The following PPARGC1A variants were observed in gnomAD, a reference collection of about 807,000 sequenced individuals.
PPARGC1A encodes the protein peroxisome proliferator-activated receptor gamma coactivator 1-alpha.
Under a neutral mutation model 88.7 loss-of-function variants are expected in PPARGC1A, and 25 were observed. The ratio of observed to expected loss-of-function variants is 0.28; its 90% CI spans 0.21 to 0.39. The LOEUF is 0.39. Ranked by LOEUF, PPARGC1A falls within the 10% of genes least tolerant of loss-of-function variation. The pLI, the probability that PPARGC1A is intolerant of heterozygous loss-of-function variation, is 1.00. For missense variants in PPARGC1A, 880 were observed against 968.7 expected (o/e 0.91, Z 1.22); for synonymous variants, 363 against 355.6 (o/e 1.02, Z -0.24).
the PPARGC1A span, among the ~76,000 whole-genome samples, chr4:24,290,359 A>C: frequency 6.6e-6 from 1 of 152,016 alleles, no homozygotes; most frequent in African/African-American, 2.4e-5. Context: ...AGTCTTTTAT[A>C]TTTTTTATAC....
chr4:24,158,342 C>T, the PPARGC1A span, among the ~76,000 whole-genome samples: 2 of 152,262 alleles, frequency 1.3e-5, no homozygotes, highest in East Asian at 3.9e-4. Flanking sequence ...TTCTTTGTCA[C>T]TCATTTATTA....
At chr4:24,341,280 G>T in the PPARGC1A span, among the ~76,000 whole-genome samples, 3 of 151,580 alleles carry the variant, frequency 2.0e-5, no homozygotes, top group East Asian at 5.8e-4. Flanking sequence ...TAAACCAACT[G>T]ATCTGAATGC....
At chr4:24,302,438 C>T in the PPARGC1A span, among the ~76,000 whole-genome samples, 9 of 152,316 alleles carry the variant, frequency 5.9e-5, no homozygotes, top group Non-Finnish European at 7.3e-5. Context: ...CTCTCTTCCT[C>T]GCCCCTGCCC....
the PPARGC1A span, among the ~76,000 whole-genome samples, chr4:24,221,677 G>A: frequency 2.0e-5 from 3 of 152,164 alleles, no homozygotes; most frequent in Admixed American, 2.0e-4. Context: ...GGAGGCCGAG[G>A]CAGGAGGATC....
the PPARGC1A span, among the ~76,000 whole-genome samples, chr4:24,378,491 AC>A: frequency 2.6e-5 from 4 of 152,124 alleles, no homozygotes; most frequent in African/African-American, 9.7e-5. Context: ...TAAAAAAAAA[AC>A]ATCATTCCTA....
At chr4:24,467,292 G>C in the PPARGC1A span, among the ~76,000 whole-genome samples, 1 of 152,126 alleles carries the variant, frequency 6.6e-6, no homozygotes, top group Non-Finnish European at 1.5e-5. Flanking sequence ...TCTGTGAGCT[G>C]GATTTACAGG....
the PPARGC1A span, among the ~76,000 whole-genome samples, chr4:24,403,527 A>G: frequency 6.6e-6 from 1 of 152,232 alleles, no homozygotes; most frequent in African/African-American, 2.4e-5. Context: ...CATTCCACCC[A>G]GTGCGGCACC....
chr4:24,341,580 G>A, the PPARGC1A span, among the ~76,000 whole-genome samples: 2 of 152,178 alleles, frequency 1.3e-5, no homozygotes, highest in Admixed American at 6.5e-5. Flanking sequence ...AGATAATGAC[G>A]GAATTCAATT....
At chr4:23,884,687 T>A (rs1716560458) in intron 2 of PPARGC1A, 65 bp downstream of exon 2, 1 of 1,459,758 alleles carries the variant, frequency 6.9e-7, no homozygotes, top group South Asian at 1.3e-5. Flanking sequence ...TCAGGTCTAT[T>A]ACCATGTTAG....
chr4:23,797,220 T>G (rs750812967), intron 12 of PPARGC1A, among the ~76,000 whole-genome samples: 3 of 152,164 alleles, frequency 2.0e-5, no homozygotes, highest in Admixed American at 6.6e-5. Context: ...CAATCTTTCC[T>G]CAATAGCATC....
the PPARGC1A span, among the ~76,000 whole-genome samples, chr4:24,259,374 A>G: frequency 1.1e-4 from 16 of 152,124 alleles, no homozygotes; most frequent in African/African-American, 3.9e-4. Flanking sequence ...CAGTATTTCT[A>G]TGGCTTACTC....
At chr4:24,158,824 T>C in the PPARGC1A span, among the ~76,000 whole-genome samples, 4 of 152,226 alleles carry the variant, frequency 2.6e-5, no homozygotes, top group Non-Finnish European at 4.4e-5. Context: ...TTGCCTTAGA[T>C]GCTTCAGTAA....
chr4:24,433,285 C>T, the PPARGC1A span, among the ~76,000 whole-genome samples: 1 of 152,060 alleles, frequency 6.6e-6, no homozygotes, highest in Non-Finnish European at 1.5e-5. Context: ...TTATTTCTTT[C>T]TCAGGAGGCT....
the PPARGC1A span, among the ~76,000 whole-genome samples, chr4:24,471,849 T>G: frequency 6.6e-6 from 1 of 152,030 alleles, no homozygotes; most frequent in South Asian, 2.1e-4. The surrounding 1 kb of genome is among the most constrained non-coding windows in gnomAD (Gnocchi z 5.4). Context: ...CCTCCGCGGG[T>G]CAGGGGACGC....
At chr4:24,217,402 T>C in the PPARGC1A span, among the ~76,000 whole-genome samples, 42 of 152,268 alleles carry the variant, frequency 2.8e-4, no homozygotes, top group African/African-American at 9.9e-4. Flanking sequence ...ATGTGGTGAA[T>C]TGGAGGTGTC....
At chr4:23,963,573 G>A in the PPARGC1A span, among the ~76,000 whole-genome samples, 2 of 152,138 alleles carry the variant, frequency 1.3e-5, no homozygotes, top group African/African-American at 4.8e-5. Context: ...GAAACAAGAG[G>A]TATCTTGTCT....
chr4:23,925,519 G>A, the PPARGC1A span, among the ~76,000 whole-genome samples: 1 of 152,184 alleles, frequency 6.6e-6, no homozygotes, highest in Non-Finnish European at 1.5e-5. Context: ...TAGTTTATAA[G>A]TGCCGCTCAA....
chr4:24,116,512 T>C, the PPARGC1A span, among the ~76,000 whole-genome samples: 4 of 152,254 alleles, frequency 2.6e-5, no homozygotes, highest in Non-Finnish European at 5.9e-5. Context: ...GGAAAAAACA[T>C]ATAATTCACT....
the PPARGC1A span, among the ~76,000 whole-genome samples, chr4:24,125,716 T>G: frequency 6.6e-6 from 1 of 151,860 alleles, no homozygotes; most frequent in East Asian, 1.9e-4. Flanking sequence ...CATGTAAGAG[T>G]TGAGAGAGAG....
Sources: gnomAD v4.1 joint callset for allele counts (sites outside exome capture counted in the v4.1 genomes callset) on GRCh38, gnomAD v4.1.1 for gene constraint, Gnocchi (gnomAD v3.1) non-coding constraint, MANE v1.5 for transcripts, NCBI Gene and HGNC (gene_info 2026-07-23, HGNC 2026-07-21) for gene names.